The following CFAP61 variants were observed in gnomAD, a reference collection of about 807,000 sequenced individuals.
CFAP61 encodes the protein cilia- and flagella-associated protein 61.
In CFAP61, 107 loss-of-function variants were observed where a neutral mutation model predicts 135.6. The observed-to-expected ratio is 0.79, with a 90% CI of 0.67 to 0.93. The LOEUF (loss-of-function observed/expected upper bound fraction) is 0.93. Ranked by LOEUF, CFAP61 falls within the 40% of genes least tolerant of loss-of-function variation. The probability of loss-of-function intolerance (pLI) is 0.00; values close to 1 mark genes in which losing one functional copy is unlikely to be tolerated. For synonymous variants in CFAP61, 575 were observed against 578.5 expected, an observed-to-expected ratio of 0.99 and a Z score of 0.09; for missense variants, 1,507 against 1,556.2, an observed-to-expected ratio of 0.97 and a Z score of 0.53.
At chr20:20,224,000 A>G (rs1033359250) in intron 17 of CFAP61, among the ~76,000 whole-genome samples, 3 of 152,220 alleles carry the variant, frequency 2.0e-5, no homozygotes, top group African/African-American at 7.2e-5. Flanking sequence ...TCCATGAAAC[A>G]CAAAGTTGAT....
intron 19 of CFAP61, among the ~76,000 whole-genome samples, chr20:20,248,255 C>G (rs1263518761): frequency 6.6e-6 from 1 of 152,170 alleles, no homozygotes; most frequent in East Asian, 1.9e-4. Context: ...TTCTTAGAAA[C>G]CACATATTTC....
intron 13 of CFAP61, among the ~76,000 whole-genome samples, chr20:20,178,679 C>G (rs2054819649): frequency 6.6e-6 from 1 of 151,484 alleles, no homozygotes; most frequent in South Asian, 2.1e-4. Flanking sequence ...AATCGATTCT[C>G]CCCCCCACCA....
At chr20:20,121,103 CTTTTTTTTTTT>C (rs869290856) in intron 8 of CFAP61, among the ~76,000 whole-genome samples, 6 of 113,612 alleles carry the variant, frequency 5.3e-5, no homozygotes, top group African/African-American at 1.0e-4. Flanking sequence ...TTTATTTTTA[CTTTTTTTTTTT>C]TTTTTTTTTT....
At chr20:20,250,824 C>T (rs957434884) in intron 19 of CFAP61, among the ~76,000 whole-genome samples, 2 of 152,088 alleles carry the variant, frequency 1.3e-5, no homozygotes, top group African/African-American at 2.4e-5. Flanking sequence ...CACAAGAAAC[C>T]CACTCTTATC....
intron 6 of CFAP61, among the ~76,000 whole-genome samples, chr20:20,090,453 A>G (rs898730610): frequency 6.6e-6 from 1 of 152,158 alleles, no homozygotes; most frequent in Non-Finnish European, 1.5e-5. Flanking sequence ...GCACTCTGGG[A>G]GGCCGAGGCA....
chr20:20,203,882 A>C (rs1003976418), intron 17 of CFAP61, among the ~76,000 whole-genome samples: 1 of 152,178 alleles, frequency 6.6e-6, no homozygotes, highest in Non-Finnish European at 1.5e-5. Context: ...ACACGAGCCC[A>C]AACTCAGGAG....
intron 6 of CFAP61, among the ~76,000 whole-genome samples, chr20:20,081,480 A>G (rs1356675468): frequency 6.6e-6 from 1 of 152,062 alleles, no homozygotes; most frequent in Non-Finnish European, 1.5e-5. Context: ...TATTCCTTTC[A>G]CTTTTTAGTA....
intron 13 of CFAP61, among the ~76,000 whole-genome samples, chr20:20,183,043 T>G (rs1482426718): frequency 6.6e-6 from 1 of 152,182 alleles, no homozygotes; most frequent in Non-Finnish European, 1.5e-5. Context: ...GCTGCTGTTC[T>G]CAGCACCCAG....
intron 18 of CFAP61, among the ~76,000 whole-genome samples, chr20:20,245,575 G>T (rs527894220): frequency 4.1e-4 from 63 of 152,310 alleles, no homozygotes; most frequent in Non-Finnish European, 7.9e-4. Flanking sequence ...GCTACACGAT[G>T]AGATTTGAGT....
At chr20:20,186,726 G>A (rs147670600) in intron 13 of CFAP61, among the ~76,000 whole-genome samples, 2 of 152,232 alleles carry the variant, frequency 1.3e-5, no homozygotes, top group South Asian at 2.1e-4. Context: ...TTGCAAATAT[G>A]ATACTTTGTT....
Position 20,052,566 on chromosome 20 carries a change from T to C in CFAP61, c.-62T>C. On this transcript the variant is annotated 5_prime_UTR_variant, in exon 1 of 27. Coordinates refer to ENST00000245957, the MANE Select transcript of CFAP61 (RefSeq NM_015585.4). ...GTCCTCCTTGCGGCAGCGCGTGGAG[T>C]GCGGCGTCCTGGAGCTGCGGATGAG... is the stretch of plus-strand genomic sequence containing the variant. 1 of 1,613,798 alleles carries C rather than the reference T, an allele frequency of 6.2e-7. No individual in the cohort carries two copies. Among genetic ancestry groups the C allele is most frequent in the Non-Finnish European group, 8.5e-7 (1 of 1,179,858 alleles).
intron 8 of CFAP61, among the ~76,000 whole-genome samples, chr20:20,127,809 T>TA (rs1159921466): frequency 1.3e-5 from 2 of 151,502 alleles, no homozygotes; most frequent in South Asian, 4.2e-4. Flanking sequence ...GACCATCAGG[T>TA]AGGGGGCATG....
chr20:20,138,210 C>T (rs892188912), intron 8 of CFAP61, among the ~76,000 whole-genome samples: 4 of 152,264 alleles, frequency 2.6e-5, no homozygotes, highest in South Asian at 4.2e-4. Context: ...CTGTGAGATG[C>T]GGTGCCTGGG....
chr20:20,087,477 T>G (rs986916305), intron 6 of CFAP61, among the ~76,000 whole-genome samples: 2 of 152,222 alleles, frequency 1.3e-5, no homozygotes, highest in African/African-American at 2.4e-5. Flanking sequence ...TCATTATTTC[T>G]TATGGCTGCA....
At chr20:20,300,057 C>T (rs2055958273) in intron 25 of CFAP61, among the ~76,000 whole-genome samples, 1 of 152,132 alleles carries the variant, frequency 6.6e-6, no homozygotes, top group Non-Finnish European at 1.5e-5. Context: ...TGAAAAATTT[C>T]CATCTCCAAG....
In CFAP61 at chr20:20,111,851, A is replaced by G. The variant is rs114632471; in HGVS notation, c.859+13037A>G. Among the ~76,000 whole-genome samples, 1,130 of 152,260 alleles carry G rather than the reference A, an allele frequency of 7.4e-3. 10 individuals carry two copies. Among genetic ancestry groups the G allele is most frequent in the African/African-American group, 0.026 (1,093 of 41,544 alleles). ...TTTTATTCATCAGTTCATTTAGTCC[A>G]ATGTAATTAATTCTTGTTCTGCTTG... On this transcript the variant is annotated intron_variant, in intron 8 of 26. Coordinates refer to ENST00000245957, the MANE Select transcript of CFAP61 (RefSeq NM_015585.4).
At chr20:20,332,386 A>G (rs2058034022) in intron 25 of CFAP61, among the ~76,000 whole-genome samples, 1 of 152,252 alleles carries the variant, frequency 6.6e-6, no homozygotes, top group Non-Finnish European at 1.5e-5. Flanking sequence ...TGGGCTTTAG[A>G]ATGCCTGGGC....
intron 18 of CFAP61, among the ~76,000 whole-genome samples, chr20:20,232,038 A>G (rs762556003): frequency 6.6e-6 from 1 of 151,862 alleles, no homozygotes; most frequent in Non-Finnish European, 1.5e-5. Context: ...GACTATTTAA[A>G]ACCTCCAACC....
intron 13 of CFAP61, chr20:20,172,409 C>G: frequency 2.6e-6 from 1 of 384,080 alleles, no homozygotes; most frequent in Non-Finnish European, 3.6e-6. Context: ...CTCAACCTCC[C>G]AAGCTCAGGT....
Sources: gnomAD v4.1 joint callset for allele counts (sites outside exome capture counted in the v4.1 genomes callset) on GRCh38, gnomAD v4.1.1 for gene constraint, MANE v1.5 for transcripts, NCBI Gene and HGNC (gene_info 2026-07-23, HGNC 2026-07-21) for gene names.